The following CFDP1 variants were observed in gnomAD, a reference collection of about 807,000 sequenced individuals.
CFDP1 encodes heterochromatin-stabilizing protein CFDP1.
A neutral mutation model predicts 40.1 loss-of-function variants in CFDP1; 31 were observed. That is an observed-to-expected ratio of 0.77 (90% CI 0.58 to 1.04). The LOEUF (loss-of-function observed/expected upper bound fraction) is 1.04. Among genes scored for constraint, CFDP1 ranks in the 50% least tolerant of loss-of-function variants. CFDP1 has a pLI of 0.00. For missense variants in CFDP1, 423 were observed against 343.4 expected (o/e 1.23, Z -1.83); for synonymous variants, 167 against 120.0 (o/e 1.39, Z -2.56).
At chr16:75,315,982 G>A (rs963905147) in intron 5 of CFDP1, among the ~76,000 whole-genome samples, 5 of 152,128 alleles carry the variant, frequency 3.3e-5, no homozygotes, top group African/African-American at 1.2e-4. Context: ...CTTTGGTTTT[G>A]TTGTTTTGAT....
intron 5 of CFDP1, among the ~76,000 whole-genome samples, chr16:75,307,073 C>T (rs2078263814): frequency 6.6e-6 from 1 of 152,134 alleles, no homozygotes; most frequent in Non-Finnish European, 1.5e-5. Flanking sequence ...TACTGGTCTC[C>T]CTGACCTGTT....
intron 5 of CFDP1, among the ~76,000 whole-genome samples, chr16:75,307,166 T>G (rs1039766144): frequency 2.6e-5 from 4 of 152,160 alleles, no homozygotes; most frequent in African/African-American, 9.7e-5. Context: ...ACACAAAGCT[T>G]AGCATGTCTT....
intron 5 of CFDP1, among the ~76,000 whole-genome samples, chr16:75,351,862 G>A (rs953009228): frequency 2.0e-5 from 3 of 151,390 alleles, no homozygotes; most frequent in Non-Finnish European, 4.4e-5. Flanking sequence ...ACAAAAATTA[G>A]CCAGGTGTGG....
Position 75,412,661 on chromosome 16 carries a change from G to T in CFDP1, c.276C>A (p.Asp92Glu), listed in dbSNP as rs150298889. 16 of 1,613,868 alleles carry T rather than the reference G, an allele frequency of 9.9e-6. No individual in the cohort carries two copies. Among genetic ancestry groups the T allele is most frequent in the African/African-American group, 1.3e-5 (1 of 74,876 alleles). ...CAATGCCTTTTTCCTGCTCTGCAGC[G>T]TCATCTTCCTCCTCACTACTGCTTC... ...SEGSSSEEED[D>E]AAEQEKGIGS... Residue 92 changes from aspartate (D) to glutamate (E), a missense_variant, in exon 3 of 7, where the codon GAC (aspartate) becomes GAA (glutamate). Physicochemically the swap from Asp to Glu is conservative, Grantham distance 45. Coordinates refer to ENST00000283882, the MANE Select transcript of CFDP1 (RefSeq NM_006324.3).
intron 4 of CFDP1, chr16:75,409,568 G>A (rs1194932061): frequency 2.0e-5 from 3 of 152,068 alleles, no homozygotes; most frequent in Non-Finnish European, 2.9e-5. Context: ...ATTTTAAGTT[G>A]GGGTCCTTCA....
intron 5 of CFDP1, among the ~76,000 whole-genome samples, chr16:75,314,776 A>G (rs1344228914): frequency 6.6e-6 from 1 of 152,080 alleles, no homozygotes; most frequent in Non-Finnish European, 1.5e-5. Context: ...TTTTGAGACC[A>G]AGTCTCGCTC....
chr16:75,297,460 G>A (rs993021393), intron 6 of CFDP1, among the ~76,000 whole-genome samples: 1 of 152,176 alleles, frequency 6.6e-6, no homozygotes, highest in African/African-American at 2.4e-5. Context: ...GGTGGCCACT[G>A]AGACTCAGGA....
intron 4 of CFDP1, among the ~76,000 whole-genome samples, chr16:75,397,035 T>C (rs971890214): frequency 6.6e-6 from 1 of 151,930 alleles, no homozygotes; most frequent in African/African-American, 2.4e-5. Context: ...TGCCTCAGCC[T>C]CCCAAGCAGC....
At chr16:75,335,866 G>T (rs115603186) in intron 5 of CFDP1, among the ~76,000 whole-genome samples, 8 of 152,026 alleles carry the variant, frequency 5.3e-5, no homozygotes, top group African/African-American at 1.9e-4. Flanking sequence ...AAATCTCCAT[G>T]TATTTAGCTT....
chr16:75,423,198 G>A (rs1328379264), intron 1 of CFDP1, among the ~76,000 whole-genome samples: 4 of 149,586 alleles, frequency 2.7e-5, no homozygotes, highest in East Asian at 2.1e-4. Flanking sequence ...GGAGAATGGC[G>A]TGAACCCGGG....
In CFDP1 at chr16:75,414,610, C is replaced by T; in HGVS notation, c.150G>A (p.Gly50=). ...DGEEQTQKTQ[G]KKRKAQSIPA... ...GAATGCTCTGGGCCTTTCTTTTTTT[C>T]CCTTGGGTTTTCTGTGTCTGCTCTT... The change falls in exon 2 of 7, where the codon GGG becomes GGA. Residue 50 remains glycine, a synonymous_variant. Transcript: ENST00000283882. The T allele has an allele frequency of 6.2e-7, 1 of 1,613,576 alleles. No individual in the cohort carries two copies.
intron 5 of CFDP1, among the ~76,000 whole-genome samples, chr16:75,363,409 T>C (rs1158024727): frequency 2.6e-5 from 4 of 151,294 alleles, no homozygotes; most frequent in East Asian, 1.9e-4. Flanking sequence ...TTTTTTTTTT[T>C]CCATGAGATG....
At chr16:75,313,617 C>T (rs2078308065) in intron 5 of CFDP1, among the ~76,000 whole-genome samples, 1 of 152,220 alleles carries the variant, frequency 6.6e-6, no homozygotes, top group African/African-American at 2.4e-5. Context: ...AGGCATGAGC[C>T]TCCCTCCACG....
intron 5 of CFDP1, among the ~76,000 whole-genome samples, chr16:75,369,482 C>G (rs1293576063): frequency 1.3e-5 from 2 of 152,136 alleles, no homozygotes; most frequent in African/African-American, 4.8e-5. Flanking sequence ...TCTGCTTTAA[C>G]TATTATATAC....
intron 1 of CFDP1, among the ~76,000 whole-genome samples, chr16:75,430,288 G>A (rs1445019393): frequency 1.3e-5 from 2 of 151,954 alleles, no homozygotes; most frequent in Non-Finnish European, 2.9e-5. Flanking sequence ...CCCTGCCCCA[G>A]CCTCCGGAGT....
At chr16:75,324,172 A>G (rs1210119217) in intron 5 of CFDP1, among the ~76,000 whole-genome samples, 1 of 152,104 alleles carries the variant, frequency 6.6e-6, no homozygotes, top group African/African-American at 2.4e-5. Context: ...AAACCATTAC[A>G]CAGGAAGTGC....
intron 1 of CFDP1, among the ~76,000 whole-genome samples, chr16:75,420,311 T>A (rs1418979237): frequency 6.6e-6 from 1 of 152,180 alleles, no homozygotes; most frequent in Non-Finnish European, 1.5e-5. Flanking sequence ...TCTGATGCTA[T>A]TCAAACATCA....
intron 5 of CFDP1, among the ~76,000 whole-genome samples, chr16:75,357,468 T>C (rs940287665): frequency 1.3e-5 from 2 of 152,116 alleles, no homozygotes; most frequent in African/African-American, 4.8e-5. Context: ...TTGGCCAGGC[T>C]GGTCTCGAAC....
chr16:75,412,786 G>A, intron 2 of CFDP1, 32 bp from the exon 3 acceptor site: 2 of 1,565,416 alleles, frequency 1.3e-6, no homozygotes, highest in Non-Finnish European at 1.8e-6. Flanking sequence ...AAAAAGGAAA[G>A]ACAGCACAAA....
Sources: gnomAD v4.1 joint callset for allele counts (sites outside exome capture counted in the v4.1 genomes callset) on GRCh38, gnomAD v4.1.1 for gene constraint, MANE v1.5 for transcripts, NCBI Gene and HGNC (gene_info 2026-07-23, HGNC 2026-07-21) for gene names.